Variants in ECPAS observed in about 807,000 individuals in gnomAD.
ECPAS encodes the protein Ecm29 proteasome adaptor and scaffold.
In ECPAS, 70 loss-of-function variants were observed where a neutral mutation model predicts 255.1. That is an observed-to-expected ratio of 0.27 (90% CI 0.23 to 0.33). ECPAS has a LOEUF of 0.33. Ranked by LOEUF, ECPAS falls within the 10% of genes least tolerant of loss-of-function variation. ECPAS has a pLI of 1.00. For missense variants in ECPAS, 1,817 were observed against 2,206.4 expected (o/e 0.82, Z 3.54); for synonymous variants, 784 against 775.0 (o/e 1.01, Z -0.19).
chr9:111,371,791 T>C lies in ECPAS; in HGVS notation c.4567A>G (p.Ile1523Val). 2 of 1,613,846 alleles carry C rather than the reference T, an allele frequency of 1.2e-6. No individual in the cohort carries two copies. The highest frequency in any genetic ancestry group is 1.7e-6 in the Non-Finnish European group (2 of 1,179,776). ...GGIRLYLQEL[I>V]TITQKALQSQ... ...TGCAAAGCCTTCTGGGTAATAGTAA[T>C]TAACTCCTGCAGGTATAATCGAATG... The change falls in exon 43 of 50, where the codon ATT becomes GTT. Residue 1523 changes from isoleucine (I) to valine (V), a missense_variant. This residue lies in a region of ECPAS where 960 missense variants were observed against 1,179.0 expected (regional missense o/e 0.81). Transcript: ENST00000684092.
intron 24 of ECPAS, among the ~76,000 whole-genome samples, chr9:111,403,043 T>C (rs771354804): frequency 6.6e-6 from 1 of 151,994 alleles, no homozygotes; most frequent in East Asian, 1.9e-4. Flanking sequence ...CAAGACCAAC[T>C]ATATGCTGCC....
chr9:111,419,140 A>T (rs556994237), intron 16 of ECPAS, among the ~76,000 whole-genome samples: 20 of 152,318 alleles, frequency 1.3e-4, no homozygotes, highest in African/African-American at 4.8e-4. Context: ...ACCCATTTTT[A>T]AAAAATGGAC....
chr9:111,414,996 C>T (rs1044557178), intron 18 of ECPAS, among the ~76,000 whole-genome samples: 2 of 151,724 alleles, frequency 1.3e-5, no homozygotes, highest in Admixed American at 6.6e-5. Flanking sequence ...AACTTCTGAA[C>T]GCAAAGAAGC....
At position 111,417,975 on chromosome 9, in the gene ECPAS, C is replaced by A. The variant is rs1394567764; in HGVS notation, c.1591G>T (p.Val531Leu). The A allele has an allele frequency of 6.2e-7, 1 of 1,606,162 alleles. No individual in the cohort carries two copies. Among genetic ancestry groups the A allele is most frequent in the Non-Finnish European group, 8.5e-7 (1 of 1,176,674 alleles). Residue 531 changes from valine (V) to leucine (L), a missense_variant, in exon 17 of 50, where the codon GTA (valine) becomes TTA (leucine). Transcript: ENST00000684092. ...TTTCTACCTGGAAGACACCTTAATACGCGTTGTGCTTCTCCATGAACTTCT... is the reference window on the plus strand; with the variant it reads ...TTTCTACCTGGAAGACACCTTAATAAGCGTTGTGCTTCTCCATGAACTTCT... ...REEVHGEAQRVLRCLPGRNRK... is the reference protein window; with the variant it reads ...REEVHGEAQRLLRCLPGRNRK...
At chr9:111,451,682 C>T in intron 2 of ECPAS, 127 bp from the exon 3 acceptor site, 1 of 801,802 alleles carries the variant, frequency 1.2e-6, no homozygotes, top group Non-Finnish European at 1.9e-6. Flanking sequence ...CACAGCTAGC[C>T]CTATACAGAT....
At chr9:111,430,411 T>C in intron 9 of ECPAS, 136 bp downstream of exon 9, 1 of 661,626 alleles carries the variant, frequency 1.5e-6, no homozygotes, top group Non-Finnish European at 2.7e-6. Flanking sequence ...TCATCTAAAC[T>C]AGCATGACTT....
At chr9:111,483,597 G>GGGCTCGC (rs1478794332) in intron 1 of ECPAS, 3 of 479,692 alleles carry the variant, frequency 6.3e-6, no homozygotes, top group Non-Finnish European at 8.1e-6. Context: ...CGCGGCCGGG[G>GGGCTCGC]GGCTCGCGGC....
chr9:111,398,004 T>C (rs1277422399), intron 24 of ECPAS, among the ~76,000 whole-genome samples: 2 of 152,234 alleles, frequency 1.3e-5, no homozygotes, highest in South Asian at 2.1e-4. Context: ...TGTAACTACC[T>C]AGACCTGCAT....
At chr9:111,397,373 C>T (rs1349780067) in intron 24 of ECPAS, among the ~76,000 whole-genome samples, 1 of 152,114 alleles carries the variant, frequency 6.6e-6, no homozygotes, top group Non-Finnish European at 1.5e-5. Flanking sequence ...TCTTTGCTGC[C>T]CTCCTCACCC....
In ECPAS at chr9:111,428,084, G is replaced by A. The variant is rs1589184733; in HGVS notation, c.1008C>T (p.Leu336=). The change falls in exon 10 of 50, where the codon CTC becomes CTT. Residue 336 remains leucine, a synonymous_variant. Coordinates refer to ENST00000684092, the MANE Select transcript of ECPAS (RefSeq NM_001364929.1). The part of the protein sequence containing the change: ...RVKLKIVPHL[L]RSRQAAETFP... ...ACGTTTCAGCAGCTTGTCTAGAGCG[G>A]AGGAGATGGGGGACAATCTTTAACT... The A allele has an allele frequency of 6.8e-6, 11 of 1,613,588 alleles. No homozygotes were observed. Among genetic ancestry groups the A allele is most frequent in the Non-Finnish European group, 9.3e-6 (11 of 1,179,714 alleles).
In ECPAS at chr9:111,444,434, G is replaced by C; in HGVS notation, c.214C>G (p.Pro72Ala). ...TACTGAACCAACAGTGTCTCTACTG[G>C]AAGTTGTATTTTGGGGCGGCTTTTT... The part of the protein sequence containing the change: ...RIKSRPKIQL[P>A]VETLLVQYQD... Residue 72 changes from proline to alanine, a missense_variant, in exon 4 of 50, where the codon CCA (proline) becomes GCA (alanine). Transcript: ENST00000684092. 1 of 1,613,930 alleles carries C rather than the reference G, an allele frequency of 6.2e-7. No homozygotes were observed. Among genetic ancestry groups the C allele is most frequent in the Non-Finnish European group, 8.5e-7 (1 of 1,179,852 alleles).
At chr9:111,413,355 GT>G (rs2098197855) in intron 20 of ECPAS, among the ~76,000 whole-genome samples, 1 of 152,182 alleles carries the variant, frequency 6.6e-6, no homozygotes, top group South Asian at 2.1e-4. Context: ...TAGTGGAATA[GT>G]TCTCTACTAT....
intron 46 of ECPAS, 85 bp from the exon 47 acceptor site, chr9:111,366,712 G>T: frequency 1.2e-6 from 1 of 820,290 alleles, no homozygotes; most frequent in Non-Finnish European, 2.1e-6. Flanking sequence ...GGCAGAGAGA[G>T]CAAGAGAAAG....
At chr9:111,442,271 G>T in intron 5 of ECPAS, 35 bp downstream of exon 5, 1 of 1,392,010 alleles carries the variant, frequency 7.2e-7, no homozygotes. Flanking sequence ...GTTGACTCCT[G>T]TAGGAGGGAA....
chr9:111,472,640 CAAA>C (rs1311352345), intron 2 of ECPAS, among the ~76,000 whole-genome samples: 2 of 84,626 alleles, frequency 2.4e-5, no homozygotes, highest in African/African-American at 4.4e-5. Flanking sequence ...ACACTGTCTC[CAAA>C]AAAAAAAAAA....
intron 46 of ECPAS, among the ~76,000 whole-genome samples, chr9:111,368,141 C>T (rs1041741219): frequency 6.6e-6 from 1 of 152,132 alleles, no homozygotes; most frequent in Non-Finnish European, 1.5e-5. Context: ...ACTTCTTGGC[C>T]TTTTGGCTAA....
At chr9:111,477,546 T>C (rs1041032810) in intron 1 of ECPAS, among the ~76,000 whole-genome samples, 1 of 152,206 alleles carries the variant, frequency 6.6e-6, no homozygotes, top group Non-Finnish European at 1.5e-5. Flanking sequence ...AAAAGCCATT[T>C]TGATCTTGTT....
chr9:111,399,967 T>G (rs925828582), intron 24 of ECPAS, among the ~76,000 whole-genome samples: 1 of 152,198 alleles, frequency 6.6e-6, no homozygotes, highest in Non-Finnish European at 1.5e-5. Context: ...GCCATGGGCT[T>G]TGGGTGTAAC....
chr9:111,372,116 C>G (rs925928806), intron 42 of ECPAS, among the ~76,000 whole-genome samples: 91 of 152,294 alleles, frequency 6.0e-4, no homozygotes, highest in African/African-American at 2.1e-3. Flanking sequence ...CTAAAATACT[C>G]TAAGGCCACA....
Sources: gnomAD v4.1 joint callset for allele counts (sites outside exome capture counted in the v4.1 genomes callset) on GRCh38, gnomAD v4.1.1 for gene constraint, gnomAD v4.1.1 regional missense constraint, MANE v1.5 for transcripts, NCBI Gene and HGNC (gene_info 2026-07-23, HGNC 2026-07-21) for gene names.